ITPR1: variants seen among roughly 807,000 people sequenced by gnomAD.
The protein encoded by ITPR1 is inositol 1,4,5-trisphosphate receptor type 1.
Under a neutral mutation model 318.4 loss-of-function variants are expected in ITPR1, and 96 were observed. The observed-to-expected ratio is 0.30, with a 90% confidence interval of 0.26 to 0.36. The LOEUF is 0.36. ITPR1 is among the 10% of genes least tolerant of loss of function. ITPR1 has a pLI of 1.00. For synonymous variants in ITPR1, 1,312 were observed against 1,289.9 expected (o/e 1.02, Z -0.37); for missense variants, 2,440 against 3,460.2 (o/e 0.71, Z 7.40).
At chr3:4,655,498 C>T (rs1009718450) in intron 12 of ITPR1, among the ~76,000 whole-genome samples, 3 of 152,178 alleles carry the variant, frequency 2.0e-5, no homozygotes, top group African/African-American at 7.2e-5. Context: ...ATTCCTTCAT[C>T]TATACAAGTG....
At chr3:4,545,343 C>G (rs2124984772) in intron 4 of ITPR1, among the ~76,000 whole-genome samples, 1 of 152,254 alleles carries the variant, frequency 6.6e-6, no homozygotes, top group East Asian at 1.9e-4. Flanking sequence ...AGAATTTGGA[C>G]TGGGTACAGT....
At position 4,675,048 on chromosome 3, in the gene ITPR1, C is replaced by G; in HGVS notation, c.2599-20C>G. On this transcript the variant is annotated intron_variant, in intron 22 of 61. Transcript: ENST00000649015. ...GCAGTTTATGTAATACCGTCTTCTT[C>G]TTTTATTTTAATACAATAGGTTGTA... 7.2e-7 allele frequency: 1 copy of G among 1,395,200 alleles called. No homozygotes were observed. The highest frequency in any genetic ancestry group is 1.8e-5 in the Admixed American group (1 of 56,502). 86.4% of individuals were successfully genotyped at this position (1,395,200 alleles called of 1,614,324 possible). A position where few individuals can be genotyped will look rare whatever the true frequency, so the allele number is the denominator to read the frequency against.
chr3:4,841,939 T>G (rs1356524632), intron 61 of ITPR1, among the ~76,000 whole-genome samples: 1 of 152,220 alleles, frequency 6.6e-6, no homozygotes, highest in African/African-American at 2.4e-5. Flanking sequence ...TTTATAGGGC[T>G]GTAGAAAATA....
chr3:4,605,820 G>A (rs1050657115), intron 4 of ITPR1, among the ~76,000 whole-genome samples: 1 of 152,112 alleles, frequency 6.6e-6, no homozygotes, highest in African/African-American at 2.4e-5. Flanking sequence ...GATTCCACTG[G>A]CCTTTCCTGG....
chr3:4,494,880 C>G (rs1481962184), intron 2 of ITPR1, among the ~76,000 whole-genome samples: 5 of 152,202 alleles, frequency 3.3e-5, no homozygotes, highest in Non-Finnish European at 4.4e-5. Flanking sequence ...CTGCCTCTCT[C>G]CTTCAAGAAA....
Position 4,665,161 on chromosome 3 carries a change from A to G in ITPR1, c.1578A>G (p.Pro526=), listed in dbSNP as rs764639361. 3 of 1,614,036 alleles carry G rather than the reference A, an allele frequency of 1.9e-6. No individual in the cohort carries two copies. Among genetic ancestry groups the G allele is most frequent in the Non-Finnish European group, 2.5e-6 (3 of 1,179,882 alleles). Residue 526 remains proline (P), a synonymous_variant, in exon 17 of 62, where the codon CCA becomes CCG. Transcript: ENST00000649015. The part of the protein sequence containing the change: ...LKQIFKLLQA[P]FTDCGDGPML... Reference sequence around the variant, plus strand: ...AGATCTTCAAGTTGTTACAAGCCCCATTCACAGACTGCGGTGATGGCCCAA... The same window carrying G: ...AGATCTTCAAGTTGTTACAAGCCCCGTTCACAGACTGCGGTGATGGCCCAA...
At chr3:4,584,432 G>A (rs892712552) in intron 4 of ITPR1, among the ~76,000 whole-genome samples, 11 of 152,256 alleles carry the variant, frequency 7.2e-5, no homozygotes, top group African/African-American at 2.6e-4. Flanking sequence ...AGGCCCCCCA[G>A]TCCTCAGAAA....
chr3:4,633,363 A>T (rs2093076182), intron 5 of ITPR1, among the ~76,000 whole-genome samples: 1 of 152,194 alleles, frequency 6.6e-6, no homozygotes, highest in African/African-American at 2.4e-5. Flanking sequence ...CCCACCAGCC[A>T]ATACGATGTT....
At chr3:4,509,879 G>T (rs756874681) in intron 2 of ITPR1, among the ~76,000 whole-genome samples, 2 of 152,312 alleles carry the variant, frequency 1.3e-5, no homozygotes, top group East Asian at 1.9e-4. Flanking sequence ...TTGACTGCTT[G>T]CTCTATCCCA....
chr3:4,631,779 G>A (rs958320509), intron 5 of ITPR1, among the ~76,000 whole-genome samples: 15 of 152,126 alleles, frequency 9.9e-5, no homozygotes, highest in African/African-American at 3.4e-4. Context: ...GATTTCTGTT[G>A]ATATGTAAAA....
At chr3:4,737,531 C>T (rs953323945) in intron 44 of ITPR1, among the ~76,000 whole-genome samples, 15 of 152,012 alleles carry the variant, frequency 9.9e-5, no homozygotes, top group African/African-American at 1.7e-4. Context: ...TCTTTCAGAC[C>T]GAGGAGTGCT....
At chr3:4,694,432 T>C (rs1435283386) in intron 33 of ITPR1, among the ~76,000 whole-genome samples, 1 of 109,202 alleles carries the variant, frequency 9.2e-6, no homozygotes, top group Non-Finnish European at 2.2e-5. Flanking sequence ...ATATGACATA[T>C]ATCATATAAT....
intron 46 of ITPR1, among the ~76,000 whole-genome samples, chr3:4,769,407 G>A (rs928792663): frequency 2.0e-5 from 3 of 152,176 alleles, no homozygotes; most frequent in African/African-American, 7.2e-5. Flanking sequence ...AGGTAAAAAT[G>A]GGATGGATGG....
chr3:4,613,496 C>T (rs961021626), intron 4 of ITPR1, among the ~76,000 whole-genome samples: 4 of 152,118 alleles, frequency 2.6e-5, no homozygotes, highest in African/African-American at 9.7e-5. Context: ...CTCCTCTAGG[C>T]ACTTGTCCTT....
At chr3:4,555,683 G>T (rs7651919) in intron 4 of ITPR1, among the ~76,000 whole-genome samples, 77,373 of 151,944 alleles carry the variant, frequency 0.51, 20,029 homozygotes, top group Admixed American at 0.59. Flanking sequence ...ATGTGCCAGA[G>T]TGTAATCAGC....
intron 4 of ITPR1, among the ~76,000 whole-genome samples, chr3:4,605,875 G>T (rs2125090160): frequency 6.6e-6 from 1 of 152,248 alleles, no homozygotes; most frequent in Non-Finnish European, 1.5e-5. Context: ...CCTCCTCCAA[G>T]GTGAAATCAG....
chr3:4,532,861 C>T (rs1197375288), intron 4 of ITPR1, among the ~76,000 whole-genome samples: 1 of 152,222 alleles, frequency 6.6e-6, no homozygotes, highest in African/African-American at 2.4e-5. Flanking sequence ...TTAATTCTGA[C>T]TATTAGTGCT....
chr3:4,722,752 A>AG (rs56117922), intron 40 of ITPR1, among the ~76,000 whole-genome samples: 53,812 of 151,998 alleles, frequency 0.35, 10,497 homozygotes, highest in Non-Finnish European at 0.46. Context: ...TGCCTGGCCC[A>AG]TGGGTTGGAT....
At chr3:4,593,841 G>T (rs907282436) in intron 4 of ITPR1, among the ~76,000 whole-genome samples, 13 of 152,152 alleles carry the variant, frequency 8.5e-5, no homozygotes, top group Non-Finnish European at 1.6e-4. Context: ...GTGAATTGAG[G>T]CCTATTGATT....
Sources: allele counts gnomAD v4.1 joint callset (sites outside exome capture counted in the v4.1 genomes callset), GRCh38; gene constraint gnomAD v4.1.1; transcripts MANE v1.5; gene names NCBI Gene and HGNC (gene_info 2026-07-23, HGNC 2026-07-21).